TECR: variants seen among roughly 807,000 people sequenced by gnomAD.
The protein encoded by TECR is very-long-chain enoyl-CoA reductase.
TECR carries 19 observed loss-of-function variants against 50.6 expected under a neutral mutation model. The observed-to-expected ratio is 0.38, with a 90% CI of 0.26 to 0.55. The LOEUF (loss-of-function observed/expected upper bound fraction) is 0.55. Among genes scored for constraint, TECR ranks in the 20% least tolerant of loss-of-function variants. The probability of loss-of-function intolerance (pLI) is 0.79; values close to 1 mark genes in which losing one functional copy is unlikely to be tolerated. For missense variants in TECR, 313 were observed against 408.3 expected (o/e 0.77, Z 2.01); for synonymous variants, 168 against 163.5 (o/e 1.03, Z -0.21).
At chr19:14,528,272 G>T (rs2072478106), upstream of TECR, among the ~76,000 whole-genome samples, 2 of 131,412 alleles carry the variant, frequency 1.5e-5, no homozygotes, top group African/African-American at 5.7e-5. Flanking sequence ...TTTTGAGACG[G>T]TCTGTTGCTC....
At chr19:14,537,749 T>TTG (rs963421053) in intron 1 of TECR, among the ~76,000 whole-genome samples, 1 of 150,862 alleles carries the variant, frequency 6.6e-6, no homozygotes, top group African/African-American at 2.4e-5. Context: ...TCAGTGTTTT[T>TTG]TTTTTTTTTT....
rs1436066390 is a variant in TECR at position 14,563,855 on chromosome 19, G to C, written c.219G>C (p.Thr73=). 1.2e-6 allele frequency: 2 copies of C among 1,613,980 alleles called. No individual in the cohort carries two copies. Among genetic ancestry groups the C allele is most frequent in the East Asian group, 2.2e-5 (1 of 44,868 alleles). ...TGCAGAAGCTGCCCGTGGGCACCAC[G>C]GCCACACTGTACTTCCGGGACCTGG... The part of the protein sequence containing the change: ...DVLQKLPVGT[T]ATLYFRDLGA... Residue 73 remains threonine, a synonymous_variant, in exon 5 of 13, where the codon ACG becomes ACC. Coordinates refer to ENST00000215567, the MANE Select transcript of TECR (RefSeq NM_138501.6). This position sits in a 1 kb window ranked among gnomAD's most constrained non-coding sequence, Gnocchi z 5.3.
At chr19:14,561,484 G>A (rs2073900162) in intron 1 of TECR, among the ~76,000 whole-genome samples, 1 of 152,168 alleles carries the variant, frequency 6.6e-6, no homozygotes, top group South Asian at 2.1e-4. Context: ...GGGGGCTCAG[G>A]GAGGGCTGGG....
At chr19:14,565,035 C>A (rs776154572) in intron 9 of TECR, 31 bp from the exon 10 acceptor site, 1 of 1,613,856 alleles carries the variant, frequency 6.2e-7, no homozygotes, top group South Asian at 1.1e-5. Flanking sequence ...GGAGTCTGGG[C>A]GGCCCTAGGC....
At chr19:14,529,335 A>G (rs2072519167), upstream of TECR, 4 of 445,602 alleles carry the variant, frequency 9.0e-6, no homozygotes, top group Non-Finnish European at 1.7e-5. Context: ...CGACGCCATC[A>G]GGGGGCGTGG....
At chr19:14,529,791 T>A in intron 1 of TECR, 80 bp downstream of exon 1, 1 of 1,596,960 alleles carries the variant, frequency 6.3e-7, no homozygotes, top group Non-Finnish European at 8.6e-7. Context: ...GGGACCCCAC[T>A]TTCTGGTCCT....
In TECR at chr19:14,562,637, T is replaced by C; in HGVS notation, c.66+62T>C. ...ACTGGGCCCGGGACCCCAATCCTTATAGCCCAGGAGCTGTCCAGTGGGGCC... is the reference window on the plus strand; with the variant it reads ...ACTGGGCCCGGGACCCCAATCCTTACAGCCCAGGAGCTGTCCAGTGGGGCC... On this transcript the variant is annotated intron_variant, in intron 2 of 12. Coordinates refer to ENST00000215567, the MANE Select transcript of TECR (RefSeq NM_138501.6). The C allele has an allele frequency of 3.1e-6, 5 of 1,592,154 alleles. No homozygotes were observed. In the South Asian group the frequency reaches 3.3e-5, roughly 11 times the overall value.
intron 1 of TECR, chr19:14,531,151 C>T (rs571089624): frequency 6.6e-6 from 1 of 152,258 alleles, no homozygotes; most frequent in African/African-American, 2.4e-5. Context: ...TCTCCTGCCT[C>T]AGCCTCCTGA....
chr19:14,528,653 AG>A (rs757054820), upstream of TECR, among the ~76,000 whole-genome samples: 309 of 150,906 alleles, frequency 2.0e-3, no homozygotes, highest in Middle Eastern at 3.4e-3. Context: ...CAAAGTGTGG[AG>A]GGGGGCCGGG....
At chr19:14,539,783 C>A (rs1392194636) in intron 1 of TECR, among the ~76,000 whole-genome samples, 1 of 152,094 alleles carries the variant, frequency 6.6e-6, no homozygotes, top group Non-Finnish European at 1.5e-5. Context: ...AGAGACCTTC[C>A]TTGGCCATCC....
intron 1 of TECR, among the ~76,000 whole-genome samples, chr19:14,553,768 A>T (rs1228097908): frequency 6.6e-6 from 1 of 152,002 alleles, no homozygotes; most frequent in Non-Finnish European, 1.5e-5. Context: ...CAGGCCTCCG[A>T]CCTCTATGCT....
rs368987561 is a variant in TECR at position 14,555,385 on chromosome 19, A to C, written c.16-7140A>C. 5.0e-5 allele frequency among the ~76,000 whole-genome samples: 7 copies of C among 141,236 alleles called. No individual in the cohort carries two copies. The East Asian group carries it at 1.6e-3, about 32-fold the overall frequency. The allele number at this position is 141,236 out of a possible 152,430, so 92.7% of individuals were successfully genotyped here. ...TGCCTCAGCCTCCTGAGTAGCTGGGATTACAGGTGCCCACTGCCATGCCCA... is the reference window on the plus strand; with the variant it reads ...TGCCTCAGCCTCCTGAGTAGCTGGGCTTACAGGTGCCCACTGCCATGCCCA... On this transcript the variant is annotated intron_variant, in intron 1 of 12. Coordinates refer to ENST00000215567, the MANE Select transcript of TECR (RefSeq NM_138501.6).
At chr19:14,562,720 A>G (rs2073939187) in intron 2 of TECR, 145 bp downstream of exon 2, 1 of 918,404 alleles carries the variant, frequency 1.1e-6, no homozygotes, top group Non-Finnish European at 1.8e-6. Context: ...GGTAGGGTGG[A>G]TAGCCATGTC....
At chr19:14,544,390 C>T (rs1043834138) in intron 1 of TECR, among the ~76,000 whole-genome samples, 2 of 152,012 alleles carry the variant, frequency 1.3e-5, no homozygotes, top group Admixed American at 1.3e-4. Context: ...CACTGTCTTA[C>T]GGAGCACACA....
rs1279670110 is a variant in TECR at position 14,535,540 on chromosome 19, A to T, written c.15+5829A>T. On this transcript the variant is annotated intron_variant, in intron 1 of 12. Transcript: ENST00000215567. ...AAAAAAAAAAAAAAAAAAAAAAAAAAAAAATATATATATATATATATATAT... is the reference window on the plus strand; with the variant it reads ...AAAAAAAAAAAAAAAAAAAAAAAAATAAAATATATATATATATATATATAT... 7.7e-3 allele frequency among the ~76,000 whole-genome samples: 266 copies of T among 34,428 alleles called. 23 individuals carry two copies. The highest frequency in any genetic ancestry group is 0.031 in the African/African-American group (222 of 7,074). 22.6% of individuals were successfully genotyped at this position (34,428 alleles called of 152,430 possible). A position where few individuals can be genotyped will look rare whatever the true frequency, so the allele number is the denominator to read the frequency against.
intron 1 of TECR, among the ~76,000 whole-genome samples, chr19:14,553,956 G>T (rs1243416534): frequency 6.6e-6 from 1 of 152,190 alleles, no homozygotes; most frequent in Admixed American, 6.5e-5. Flanking sequence ...TTGTGCCCCA[G>T]ACTCGGGAGA....
intron 1 of TECR, chr19:14,544,997 C>G: frequency 2.3e-6 from 1 of 431,026 alleles, no homozygotes; most frequent in South Asian, 1.6e-5. Context: ...TTCACTCCTT[C>G]CCTTCTCTGT....
chr19:14,556,570 G>T (rs2073733404), intron 1 of TECR, among the ~76,000 whole-genome samples: 1 of 152,100 alleles, frequency 6.6e-6, no homozygotes, highest in South Asian at 2.1e-4. Flanking sequence ...AACCCCAGAG[G>T]CTGGCTTGGT....
At chr19:14,542,295 C>T (rs1035940633) in intron 1 of TECR, among the ~76,000 whole-genome samples, 6 of 146,434 alleles carry the variant, frequency 4.1e-5, no homozygotes, top group Non-Finnish European at 6.0e-5. Context: ...AAAAGATTCC[C>T]TATTGGAGGG....
Sources: allele counts gnomAD v4.1 joint callset (sites outside exome capture counted in the v4.1 genomes callset), GRCh38; gene constraint gnomAD v4.1.1; non-coding constraint Gnocchi (gnomAD v3.1); transcripts MANE v1.5; gene names NCBI Gene and HGNC (gene_info 2026-07-23, HGNC 2026-07-21).